Variants in SLC29A1 observed in about 807,000 individuals in gnomAD.
SLC29A1 encodes the protein equilibrative nucleoside transporter 1.
A neutral mutation model predicts 48.3 loss-of-function variants in SLC29A1; 22 were observed. The observed-to-expected ratio is 0.46, with a 90% confidence interval of 0.33 to 0.65. The LOEUF is 0.65. SLC29A1 is among the 30% of genes least tolerant of loss of function. SLC29A1 has a pLI of 0.03. For synonymous variants in SLC29A1, 228 were observed against 231.0 expected, an observed-to-expected ratio of 0.99 and a Z score of 0.12; for missense variants, 491 against 575.3, an observed-to-expected ratio of 0.85 and a Z score of 1.50.
chr6:44,223,884 C>A lies in SLC29A1; in HGVS notation c.-52+243C>A. Reference sequence around the variant, plus strand: ...TGGGCGGGGCGGCCTGGCTCCCGGGCCTAAAACAGGCTGCGGTCACGTTGA... The same window carrying A: ...TGGGCGGGGCGGCCTGGCTCCCGGGACTAAAACAGGCTGCGGTCACGTTGA... On this transcript the variant is annotated intron_variant, in intron 1 of 12. Transcript: ENST00000371755. This position sits in a 1 kb window ranked among gnomAD's most constrained non-coding sequence, Gnocchi z 5.0. The A allele has an allele frequency of 1.0e-6, 1 of 996,536 alleles. No homozygotes were observed. The highest frequency in any genetic ancestry group is 1.2e-6 in the Non-Finnish European group (1 of 837,286). 61.7% of individuals were successfully genotyped at this position (996,536 alleles called of 1,614,324 possible). A position where few individuals can be genotyped will look rare whatever the true frequency, so the allele number is the denominator to read the frequency against.
Position 44,232,823 on chromosome 6 carries a change from G to T in SLC29A1, c.1076G>T (p.Arg359Leu), listed in dbSNP as rs766758816. ...TGCCCACAGCCTGGGAAGGACAGCCGCTGGCTGCCAAGCCTGGTGCTGGCC... is the reference window on the plus strand; with the variant it reads ...TGCCCACAGCCTGGGAAGGACAGCCTCTGGCTGCCAAGCCTGGTGCTGGCC... Reference protein sequence around the residue: ...AVFMWPGKDSRWLPSLVLARL... With the variant: ...AVFMWPGKDSLWLPSLVLARL... The change falls in exon 12 of 13, where the codon CGC (arginine) becomes CTC (leucine). Residue 359 changes from arginine (R) to leucine (L), a missense_variant. By Grantham distance (102) the Arg-to-Leu change is moderately radical (BLOSUM62 -2). Transcript: ENST00000371755. The surrounding 1 kb of genome is among the most constrained non-coding windows in gnomAD (Gnocchi z 4.7). 5 of 1,611,728 alleles carry T rather than the reference G, an allele frequency of 3.1e-6. No individual in the cohort carries two copies. In the East Asian group the frequency reaches 8.9e-5, roughly 29 times the overall value.
upstream of SLC29A1, among the ~76,000 whole-genome samples, chr6:44,220,833 G>A (rs200224034): frequency 1.1e-4 from 16 of 146,842 alleles, no homozygotes; most frequent in Non-Finnish European, 1.4e-4. Context: ...TTAAAGAAAA[G>A]AAAAAAAAAA....
chr6:44,232,072 G>A lies in SLC29A1; in HGVS notation c.939G>A (p.Glu313=), dbSNP rs1403611370. ...TIGMFPAVTV[E]VKSSIAGSST... ...GGATGTTTCCAGCCGTGACTGTTGA[G>A]GTCAAGTCCAGCATCGCAGGCAGCA... The change falls in exon 10 of 13, where the codon GAG becomes GAA. Residue 313 remains glutamate, a synonymous_variant. Coordinates refer to ENST00000371755, the MANE Select transcript of SLC29A1 (RefSeq NM_001372327.1). This position sits in a 1 kb window ranked among gnomAD's most constrained non-coding sequence, Gnocchi z 4.7. The A allele has an allele frequency of 6.2e-7, 1 of 1,614,052 alleles. No individual in the cohort carries two copies. Among genetic ancestry groups the A allele is most frequent in the Non-Finnish European group, 8.5e-7 (1 of 1,179,924 alleles).
rs773110611 is a variant in SLC29A1, at chr6:44,232,004, G to C, written c.871G>C (p.Val291Leu). 8.1e-6 allele frequency: 13 copies of C among 1,612,762 alleles called. No homozygotes were observed. In the South Asian group the frequency reaches 1.4e-4, roughly 18 times the overall value. ...SIKAILKNIS[V>L]LAFSVCFIFT... ...CTCTACCCCTTCTATCTAGATCTCA[G>C]TCCTGGCTTTCTCTGTCTGCTTCAT... The change falls in exon 10 of 13, where the codon GTC becomes CTC. Residue 291 changes from valine to leucine, a missense_variant. Transcript: ENST00000371755. The surrounding 1 kb of genome is among the most constrained non-coding windows in gnomAD (Gnocchi z 4.7).
Position 44,224,557 on chromosome 6 carries a change from C to T in SLC29A1, c.-52+916C>T, listed in dbSNP as rs1777073267. Among the ~76,000 whole-genome samples, 4 of 152,154 alleles carry T rather than the reference C, an allele frequency of 2.6e-5. No individual in the cohort carries two copies. The South Asian group carries it at 8.3e-4, about 32-fold the overall frequency. ...TGAACATTTAATATGGATTCTAGCT[C>T]CTCCACTCACCAGCTCTGTGACTTC... On this transcript the variant is annotated intron_variant, in intron 1 of 12. Transcript: ENST00000371755.
At chr6:44,233,102 G>A in intron 12 of SLC29A1, 96 bp downstream of exon 12, 1 of 1,271,664 alleles carries the variant, frequency 7.9e-7, no homozygotes, top group Non-Finnish European at 1.1e-6. Flanking sequence ...GAGAGTCCCT[G>A]CTCCCAGAGC....
chr6:44,229,889 C>A lies in SLC29A1; in HGVS notation c.315-18C>A. On this transcript the variant is annotated intron_variant, in intron 4 of 12. Coordinates refer to ENST00000371755, the MANE Select transcript of SLC29A1 (RefSeq NM_001372327.1). The surrounding 1 kb of genome is among the most constrained non-coding windows in gnomAD (Gnocchi z 5.1). ...GCTTTGCCCACTTGTCTCTGCCACC[C>A]TTGGCCTCTCCCGGCAGGATCCCCC... 6.2e-7 allele frequency: 1 copy of A among 1,612,706 alleles called. No individual in the cohort carries two copies. The highest frequency in any genetic ancestry group is 8.5e-7 in the Non-Finnish European group (1 of 1,179,996).
rs186556 is a variant in SLC29A1 at position 44,231,465 on chromosome 6, C to T, written c.864+4C>T. The T allele has an allele frequency of 3.9e-3, 6,199 of 1,578,214 alleles. 203 individuals carry two copies. The African/African-American group carries it at 0.07, about 18-fold the overall frequency. On this transcript the variant is annotated splice_donor_region_variant and intron_variant, in intron 9 of 12. Coordinates refer to ENST00000371755, the MANE Select transcript of SLC29A1 (RefSeq NM_001372327.1). ...TATCAAAGCCATCCTGAAAAATGTACGTAGGGGAGGTTATCCTATCTTCTA... is the reference window on the plus strand; with the variant it reads ...TATCAAAGCCATCCTGAAAAATGTATGTAGGGGAGGTTATCCTATCTTCTA...
Position 44,232,452 on chromosome 6 carries a change from G to A in SLC29A1, c.1059+24G>A. 2 of 1,513,624 alleles carry A rather than the reference G, an allele frequency of 1.3e-6. No homozygotes were observed. Among genetic ancestry groups the A allele is most frequent in the Non-Finnish European group, 9.2e-7 (1 of 1,091,346 alleles). 93.8% of individuals were successfully genotyped at this position (1,513,624 alleles called of 1,614,324 possible). On this transcript the variant is annotated intron_variant, in intron 11 of 12. Transcript: ENST00000371755. The surrounding 1 kb of genome is among the most constrained non-coding windows in gnomAD (Gnocchi z 4.7). The stretch of plus-strand genomic sequence containing the variant: ...GGGTAAGTGGAGGAAGAGGGCCCCA[G>A]GCCCCTGTGGGAAGTAAGAGTCCAG...
At chr6:44,228,255 C>T (rs9394992) in intron 2 of SLC29A1, among the ~76,000 whole-genome samples, 44,984 of 152,130 alleles carry the variant, frequency 0.3, 6,595 homozygotes, top group East Asian at 0.33. Flanking sequence ...CTGAAGGCCT[C>T]GCCGGCTCCA....
At chr6:44,220,650 T>TAAAAAA (rs564819806), upstream of SLC29A1, among the ~76,000 whole-genome samples, 1 of 116,294 alleles carries the variant, frequency 8.6e-6, no homozygotes, top group Non-Finnish European at 1.8e-5. Flanking sequence ...CCGTCTCTAC[T>TAAAAAA]AAAAAAAAAA....
In SLC29A1 at chr6:44,229,658, C is replaced by G. The variant is rs142047670; in HGVS notation, c.181C>G (p.Gln61Glu). 3.4e-5 allele frequency: 55 copies of G among 1,614,010 alleles called. No homozygotes were observed. The highest frequency in any genetic ancestry group is 5.5e-5 in the South Asian group (5 of 91,096). ...CACTGCTGAACTGAGCAAGGACGCC[C>G]AGGCGTCAGCCGCCCCTGCAGCACC... ...LVTAELSKDAQASAAPAAPLP... is the reference protein window; with the variant it reads ...LVTAELSKDAEASAAPAAPLP... Residue 61 changes from glutamine (Q) to glutamate (E), a missense_variant, in exon 4 of 13, where the codon CAG (glutamine) becomes GAG (glutamate). Gln to Glu is a conservative substitution (Grantham distance 29). Transcript: ENST00000371755. The surrounding 1 kb of genome is among the most constrained non-coding windows in gnomAD (Gnocchi z 5.1).
rs767108156 is a variant in SLC29A1 at position 44,233,520 on chromosome 6, A to G, written c.1363A>G (p.Ile455Val). The change falls in exon 13 of 13, where the codon ATT becomes GTT. Residue 455 changes from isoleucine to valine, a missense_variant. By Grantham distance (29) the Ile-to-Val change is conservative. Transcript: ENST00000371755. ...GAVFSFLFRAIV is the reference protein window; with the variant it reads ...GAVFSFLFRAVV ...TGTTTTCTCCTTCCTGTTCCGGGCAATTGTGTGACAAAGGATGGACAGAAG... is the reference window on the plus strand; with the variant it reads ...TGTTTTCTCCTTCCTGTTCCGGGCAGTTGTGTGACAAAGGATGGACAGAAG... The G allele has an allele frequency of 3.1e-6, 5 of 1,613,094 alleles. No individual in the cohort carries two copies. The South Asian group carries it at 3.3e-5, about 11-fold the overall frequency.
At chr6:44,228,149 A>T (rs79601412) in intron 2 of SLC29A1, among the ~76,000 whole-genome samples, 34 of 152,132 alleles carry the variant, frequency 2.2e-4, no homozygotes, top group Non-Finnish European at 3.4e-4. Context: ...GCATGGCAAT[A>T]AGTCCAGGCC....
upstream of SLC29A1, among the ~76,000 whole-genome samples, chr6:44,220,621 T>C (rs1221030060): frequency 6.8e-6 from 1 of 148,146 alleles, no homozygotes; most frequent in Non-Finnish European, 1.5e-5. Context: ...GAGACCAGCC[T>C]GACCAACGTG....
In SLC29A1 at chr6:44,232,247, C is replaced by T. The variant is rs1779062236; in HGVS notation, c.974-96C>T. On this transcript the variant is annotated intron_variant, in intron 10 of 12. Transcript: ENST00000371755. The surrounding 1 kb of genome is among the most constrained non-coding windows in gnomAD (Gnocchi z 4.7). ...TTCCCTGGGCTGGAAGCATCTTCTC[C>T]ATTTTACTGTTGGGGAAGCTGAGGC... 1.7e-6 allele frequency: 2 copies of T among 1,164,272 alleles called. No individual in the cohort carries two copies. The highest frequency in any genetic ancestry group is 2.6e-6 in the Non-Finnish European group (2 of 771,204). The allele number at this position is 1,164,272 out of a possible 1,614,324, so 72.1% of individuals were successfully genotyped here. A position where few individuals can be genotyped will look rare whatever the true frequency, so the allele number is the denominator to read the frequency against.
At chr6:44,220,586 G>A (rs1380999494), upstream of SLC29A1, among the ~76,000 whole-genome samples, 4 of 151,166 alleles carry the variant, frequency 2.6e-5, no homozygotes, top group Non-Finnish European at 4.4e-5. Context: ...AGGCCAAGGC[G>A]GGCGGATCAC....
intron 1 of SLC29A1, chr6:44,224,030 TC>T: frequency 1.7e-4 from 7 of 40,274 alleles, no homozygotes; most frequent in Non-Finnish European, 2.0e-4. Flanking sequence ...GGATGGAGGC[TC>T]GCGAGCGGAG....
At position 44,226,006 on chromosome 6, in the gene SLC29A1, G is replaced by A. The variant is rs755979581; in HGVS notation, c.-51-1257G>A. The A allele has an allele frequency of 1.8e-4, 110 of 609,116 alleles. 1 individual carries two copies. The highest frequency in any genetic ancestry group is 4.4e-4 in the Admixed American group (7 of 15,816). The allele number at this position is 609,116 out of a possible 1,614,324, so 37.7% of individuals were successfully genotyped here. A position where few individuals can be genotyped will look rare whatever the true frequency, so the allele number is the denominator to read the frequency against. The stretch of plus-strand genomic sequence containing the variant: ...GAATGGGGCCCCATGAAGCCTGAGG[G>A]ACTCTCTCCTGATAACACCCTGTGC... On this transcript the variant is annotated intron_variant, in intron 1 of 12. Transcript: ENST00000371755.
Sources: gnomAD v4.1 joint callset for allele counts (sites outside exome capture counted in the v4.1 genomes callset) on GRCh38, gnomAD v4.1.1 for gene constraint, Gnocchi (gnomAD v3.1) non-coding constraint, MANE v1.5 for transcripts, NCBI Gene and HGNC (gene_info 2026-07-23, HGNC 2026-07-21) for gene names.